The following CCSER1 variants were observed in gnomAD, a reference collection of about 807,000 sequenced individuals.
CCSER1 encodes serine-rich coiled-coil domain-containing protein 1.
CCSER1 carries 41 observed loss-of-function variants against 82.0 expected under a neutral mutation model. That is an observed-to-expected ratio of 0.50 (90% confidence interval 0.39 to 0.65). The LOEUF (loss-of-function observed/expected upper bound fraction) is 0.65. Among genes scored for constraint, CCSER1 ranks in the 30% least tolerant of loss-of-function variants. The pLI is 0.00. For synonymous variants in CCSER1, 414 were observed against 383.9 expected, an observed-to-expected ratio of 1.08 and a Z score of -0.92; for missense variants, 1,119 against 1,064.2, an observed-to-expected ratio of 1.05 and a Z score of -0.72.
intron 3 of CCSER1, among the ~76,000 whole-genome samples, chr4:90,372,338 TAGTG>T (rs1727883138): frequency 6.6e-6 from 1 of 152,120 alleles, no homozygotes; most frequent in Admixed American, 6.6e-5. Context: ...AGCAATGAAA[TAGTG>T]GGTAATGGGA....
At chr4:91,192,279 C>A (rs1394385750) in intron 10 of CCSER1, among the ~76,000 whole-genome samples, 1 of 152,086 alleles carries the variant, frequency 6.6e-6, no homozygotes, top group African/African-American at 2.4e-5. Flanking sequence ...CATAATCTTA[C>A]AATATTCCTT....
chr4:90,218,137 A>T lies in CCSER1; in HGVS notation c.-41-90107A>T, dbSNP rs1038114119. 2.0e-5 allele frequency among the ~76,000 whole-genome samples: 3 copies of T among 152,092 alleles called. No homozygotes were observed. The East Asian group carries it at 5.8e-4, about 29-fold the overall frequency. On this transcript the variant is annotated intron_variant, in intron 1 of 10. Transcript: ENST00000509176. ...GTTTCTTAAGGGTTTTTATCATGAA[A>T]GGAGGTTAGATTTTATTGAAAGCTT...
At chr4:91,112,500 C>T (rs1726179335) in intron 10 of CCSER1, 1 of 152,006 alleles carries the variant, frequency 6.6e-6, no homozygotes, top group Non-Finnish European at 1.5e-5. Context: ...TTGTTCTTTC[C>T]TCCTTCATAC....
chr4:91,098,871 G>C (rs1724774090), intron 10 of CCSER1, among the ~76,000 whole-genome samples: 1 of 151,974 alleles, frequency 6.6e-6, no homozygotes, highest in Non-Finnish European at 1.5e-5. Context: ...GATAAAAGAA[G>C]AAAAATACAC....
intron 5 of CCSER1, among the ~76,000 whole-genome samples, chr4:90,492,985 G>T (rs1408334344): frequency 6.6e-6 from 1 of 152,068 alleles, no homozygotes; most frequent in African/African-American, 2.4e-5. Flanking sequence ...GAGGAAGTTC[G>T]AACCCTTTGA....
chr4:90,627,956 A>T, intron 5 of CCSER1, 69 bp from the exon 6 acceptor site: 1 of 1,186,506 alleles, frequency 8.4e-7, no homozygotes, highest in Non-Finnish European at 1.3e-6. Context: ...AACATTGATT[A>T]ACAACTTGGG....
chr4:91,409,917 G>A (rs1427724756), intron 10 of CCSER1, among the ~76,000 whole-genome samples: 3 of 152,140 alleles, frequency 2.0e-5, no homozygotes, highest in African/African-American at 7.2e-5. Context: ...CCCGACCTCA[G>A]GTGATCTGCC....
At chr4:90,342,057 G>A (rs1741473334) in intron 3 of CCSER1, among the ~76,000 whole-genome samples, 1 of 152,152 alleles carries the variant, frequency 6.6e-6, no homozygotes, top group African/African-American at 2.4e-5. Flanking sequence ...AATTACCAGA[G>A]ACCCACTGGC....
chr4:91,441,332 A>G (rs1755122723), intron 10 of CCSER1, among the ~76,000 whole-genome samples: 1 of 152,224 alleles, frequency 6.6e-6, no homozygotes, highest in Admixed American at 6.5e-5. Context: ...AAAACAATAA[A>G]TGTAACCCAG....
intron 1 of CCSER1, among the ~76,000 whole-genome samples, chr4:90,139,835 CTG>C (rs1298134008): frequency 1.3e-5 from 2 of 152,080 alleles, no homozygotes; most frequent in Non-Finnish European, 2.9e-5. Flanking sequence ...TGGCAGGTAT[CTG>C]TAATCTCAGC....
At chr4:90,788,867 T>G (rs1418643236) in intron 7 of CCSER1, among the ~76,000 whole-genome samples, 2 of 152,198 alleles carry the variant, frequency 1.3e-5, no homozygotes, top group Non-Finnish European at 2.9e-5. Context: ...GTTCTCTGCC[T>G]AGTTATGTAC....
intron 7 of CCSER1, among the ~76,000 whole-genome samples, chr4:90,811,683 T>C (rs866528772): frequency 4.0e-5 from 6 of 151,888 alleles, no homozygotes; most frequent in African/African-American, 1.5e-4. Flanking sequence ...ATTTAGGAAA[T>C]AGGAAGATAA....
At position 91,423,319 on chromosome 4, in the gene CCSER1, G is replaced by T. The variant is rs1018553303; in HGVS notation, c.2218-175253G>T. Reference sequence around the variant, plus strand: ...ATGGAAAGTGCCTGTAATCCCAGATGCTAAGGAGACTGAGGCAGGAGAATT... The same window carrying T: ...ATGGAAAGTGCCTGTAATCCCAGATTCTAAGGAGACTGAGGCAGGAGAATT... On this transcript the variant is annotated intron_variant, in intron 10 of 10. Coordinates refer to ENST00000509176, the MANE Select transcript of CCSER1 (RefSeq NM_001145065.2). Among the ~76,000 whole-genome samples the T allele has an allele frequency of 3.0e-4, 45 of 151,744 alleles. 1 individual carries two copies. The highest frequency in any genetic ancestry group is 1.0e-3 in the African/African-American group (42 of 41,376).
chr4:90,795,692 T>C (rs997582169), intron 7 of CCSER1, among the ~76,000 whole-genome samples: 1 of 152,180 alleles, frequency 6.6e-6, no homozygotes, highest in Non-Finnish European at 1.5e-5. Context: ...TTATCAAAAG[T>C]TTTTAACATG....
At chr4:90,782,463 A>T (rs879569517) in intron 7 of CCSER1, among the ~76,000 whole-genome samples, 1 of 152,166 alleles carries the variant, frequency 6.6e-6, no homozygotes, top group Non-Finnish European at 1.5e-5. Flanking sequence ...AAATATATTT[A>T]AAAAACTCTA....
intron 10 of CCSER1, among the ~76,000 whole-genome samples, chr4:91,329,236 CATATTGATCTT>C (rs1746779771): frequency 9.8e-6 from 1 of 101,974 alleles, no homozygotes; most frequent in South Asian, 3.0e-4. Flanking sequence ...ATATTTTGAA[CATATTGATCTT>C]ATATCCAGCA....
At chr4:91,464,520 A>C (rs1756742498) in intron 10 of CCSER1, among the ~76,000 whole-genome samples, 1 of 152,250 alleles carries the variant, frequency 6.6e-6, no homozygotes, top group African/African-American at 2.4e-5. Flanking sequence ...CCTTAAATGT[A>C]AATGGGCTAA....
At chr4:91,442,134 A>T (rs928712973) in intron 10 of CCSER1, among the ~76,000 whole-genome samples, 1 of 151,724 alleles carries the variant, frequency 6.6e-6, no homozygotes, top group African/African-American at 2.4e-5. Flanking sequence ...TAAAGTTCAT[A>T]TGGAACCAAA....
rs1491115193 is a variant in CCSER1 at position 90,932,976 on chromosome 4, A to AAGAGAGAGAG, written c.2172+9532_2172+9533insGAGAGAGAGA. On this transcript the variant is annotated intron_variant, in intron 9 of 10. Transcript: ENST00000509176. ...AAAGAAAGAAAGAAAGAAAGAAAGA[A>AAGAGAGAGAG]AGAAAGAGAAAGAAAGAAAGAAAGA... is the stretch of plus-strand genomic sequence containing the variant. Among the ~76,000 whole-genome samples, 3 of 38,690 alleles carry AAGAGAGAGAG rather than the reference A, an allele frequency of 7.8e-5. 1 individual carries two copies. The highest frequency in any genetic ancestry group is 4.9e-4 in the East Asian group (1 of 2,050). 25.4% of individuals were successfully genotyped at this position (38,690 alleles called of 152,430 possible).
Sources: gnomAD v4.1 joint callset for allele counts (sites outside exome capture counted in the v4.1 genomes callset) on GRCh38, gnomAD v4.1.1 for gene constraint, MANE v1.5 for transcripts, NCBI Gene and HGNC (gene_info 2026-07-23, HGNC 2026-07-21) for gene names.